BNC2: variants seen among roughly 807,000 people sequenced by gnomAD.
BNC2 encodes the protein zinc finger protein basonuclin-2.
Under a neutral mutation model 76.3 loss-of-function variants are expected in BNC2, and 20 were observed. The observed-to-expected ratio is 0.26, with a 90% CI of 0.18 to 0.38. The LOEUF is 0.38. Ranked by LOEUF, BNC2 falls within the 10% of genes least tolerant of loss-of-function variation. The pLI is 1.00. For missense variants in BNC2, 1,382 were observed against 1,399.8 expected (o/e 0.99, Z 0.20); for synonymous variants, 582 against 514.8 (o/e 1.13, Z -1.77).
intron 3 of BNC2, among the ~76,000 whole-genome samples, chr9:16,686,089 T>G (rs1242138095): frequency 6.6e-6 from 1 of 152,228 alleles, no homozygotes; most frequent in Non-Finnish European, 1.5e-5. Flanking sequence ...TCCTTTACGT[T>G]CTTAAAATAT....
intron 3 of BNC2, among the ~76,000 whole-genome samples, chr9:16,657,724 A>C (rs759422686): frequency 3.4e-5 from 5 of 148,090 alleles, no homozygotes; most frequent in Non-Finnish European, 5.9e-5. Flanking sequence ...AATAATGTGC[A>C]GACTCTTAAA....
At chr9:16,625,004 T>G in intron 3 of BNC2, among the ~76,000 whole-genome samples, 1 of 152,210 alleles carries the variant, frequency 6.6e-6, no homozygotes, top group East Asian at 1.9e-4. Flanking sequence ...AGCCAATTGG[T>G]GCAGTCGGAG....
rs1250289002 is a variant in BNC2 at position 16,725,206 on chromosome 9, G to GTC, written c.330+2589_330+2590dup. On this transcript the variant is annotated intron_variant, in intron 3 of 6. Coordinates refer to ENST00000380672, the MANE Select transcript of BNC2 (RefSeq NM_017637.6). Reference sequence around the variant, plus strand: ...GATATCAGAGATATAATTTCAATAAGTCTCTCTCTCTCACACACACACACA... The same window carrying GTC: ...GATATCAGAGATATAATTTCAATAAGTCTCTCTCTCTCTCACACACACACACA... Among the ~76,000 whole-genome samples the GTC allele has an allele frequency of 4.2e-3, 357 of 85,670 alleles. 1 individual carries two copies. The highest frequency in any genetic ancestry group is 0.012 in the African/African-American group (251 of 21,822). 56.2% of individuals were successfully genotyped at this position (85,670 alleles called of 152,430 possible). A position where few individuals can be genotyped will look rare whatever the true frequency, so the allele number is the denominator to read the frequency against.
At chr9:16,812,577 A>G (rs996607713) in intron 1 of BNC2, among the ~76,000 whole-genome samples, 1 of 152,154 alleles carries the variant, frequency 6.6e-6, no homozygotes, top group Non-Finnish European at 1.5e-5. Flanking sequence ...CACCAGGGGG[A>G]AGTCATTTTT....
intron 4 of BNC2, among the ~76,000 whole-genome samples, chr9:16,556,506 A>G (rs1376085422): frequency 1.3e-5 from 2 of 152,138 alleles, no homozygotes; most frequent in African/African-American, 4.8e-5. Context: ...ACAGTGGCTC[A>G]CACCTGTAAT....
Position 16,412,777 on chromosome 9 carries a change from G to T in BNC2, c.*6212C>A, listed in dbSNP as rs1820498839. The T allele has an allele frequency of 1.3e-5, 2 of 151,594 alleles. No homozygotes were observed. The allele number at this position is 151,594 out of a possible 1,614,324, so 9.4% of individuals were successfully genotyped here. ...AGAGAGAGAGAGAGACTGACTGATT[G>T]TGGATGTGTGTGTACATCAGGGAAC... On this transcript the variant is annotated 3_prime_UTR_variant, in exon 7 of 7. Transcript: ENST00000380672.
chr9:16,828,733 C>T (rs917387450), intron 1 of BNC2, among the ~76,000 whole-genome samples: 7 of 152,176 alleles, frequency 4.6e-5, no homozygotes, highest in Non-Finnish European at 8.8e-5. Context: ...ATCCCGTTGA[C>T]TTTTGTCCCC....
In BNC2 at chr9:16,861,053, C is replaced by G. The variant is rs1366595273; in HGVS notation, c.3+9593G>C. 4.7e-5 allele frequency among the ~76,000 whole-genome samples: 7 copies of G among 148,716 alleles called. No individual in the cohort carries two copies. In the East Asian group the frequency reaches 1.4e-3, roughly 29 times the overall value. On this transcript the variant is annotated intron_variant, in intron 1 of 6. Transcript: ENST00000380672. The stretch of plus-strand genomic sequence containing the variant: ...ACTCTGTCTCAAAAAAAAAAAAAGA[C>G]AGCTGCGCACAGTCACAGTGGCTTA...
intron 3 of BNC2, among the ~76,000 whole-genome samples, chr9:16,653,522 AAGAATCCTG>A (rs1821847615): frequency 6.6e-6 from 1 of 152,048 alleles, no homozygotes; most frequent in African/African-American, 2.4e-5. Context: ...CGCTCCCTCC[AAGAATCCTG>A]CCTCCAATTT....
chr9:16,678,884 GA>G (rs1335061076), intron 3 of BNC2, among the ~76,000 whole-genome samples: 1 of 151,988 alleles, frequency 6.6e-6, no homozygotes, highest in Non-Finnish European at 1.5e-5. Context: ...AATTACAATC[GA>G]AATCAGTGTT....
At chr9:16,567,702 A>G (rs1313329562) in intron 4 of BNC2, among the ~76,000 whole-genome samples, 1 of 152,096 alleles carries the variant, frequency 6.6e-6, no homozygotes, top group Non-Finnish European at 1.5e-5. Context: ...GTTTTCCACA[A>G]CTTTTTTTAA....
intron 1 of BNC2, among the ~76,000 whole-genome samples, chr9:16,752,009 A>G (rs1330737803): frequency 1.3e-5 from 2 of 152,182 alleles, no homozygotes; most frequent in African/African-American, 2.4e-5. Flanking sequence ...AGCCTGGACA[A>G]CAGAGCAAGA....
chr9:16,436,461 G>A lies in BNC2; in HGVS notation c.1733C>T (p.Thr578Ile). The change falls in exon 6 of 7, where the codon ACT (threonine) becomes ATT (isoleucine). Residue 578 changes from threonine to isoleucine, a missense_variant. Physicochemically the swap from Thr to Ile is moderately conservative, Grantham distance 89. Around this residue, in one of 3 missense-constraint regions of BNC2, gnomAD observed 798 missense variants for 775.5 expected, o/e 1.03. Transcript: ENST00000380672. ...TGGAGGACTCACCATTTCCCCTGGA[G>A]TGAGTAAACTTCTATAAAATGGAGG... is the stretch of plus-strand genomic sequence containing the variant. ...PVPPFYRSLL[T>I]PGEMVSPPTS... 6.2e-7 allele frequency: 1 copy of A among 1,614,116 alleles called. No individual in the cohort carries two copies. The highest frequency in any genetic ancestry group is 8.5e-7 in the Non-Finnish European group (1 of 1,180,020).
At chr9:16,627,511 A>G (rs958763275) in intron 3 of BNC2, among the ~76,000 whole-genome samples, 2 of 152,196 alleles carry the variant, frequency 1.3e-5, no homozygotes, top group East Asian at 3.9e-4. Flanking sequence ...AGTTCTGCAC[A>G]ATACCAGGAT....
chr9:16,813,573 A>G (rs1254056507), intron 1 of BNC2, among the ~76,000 whole-genome samples: 1 of 152,132 alleles, frequency 6.6e-6, no homozygotes, highest in Non-Finnish European at 1.5e-5. Flanking sequence ...CCAAAAAACC[A>G]TTATTTTTAG....
intron 3 of BNC2, among the ~76,000 whole-genome samples, chr9:16,649,176 G>C (rs1229811590): frequency 1.3e-5 from 2 of 152,092 alleles, no homozygotes; most frequent in East Asian, 1.9e-4. Context: ...ATTTCCAAAG[G>C]TCTTCCAGGA....
intron 5 of BNC2, among the ~76,000 whole-genome samples, chr9:16,518,588 G>T (rs567790139): frequency 0.044 from 5,786 of 130,188 alleles, 361 homozygotes; most frequent in African/African-American, 0.2. Context: ...ATTTTTTGTT[G>T]TTGTTGTTGT....
intron 5 of BNC2, among the ~76,000 whole-genome samples, chr9:16,457,905 T>G (rs1167447588): frequency 1.3e-5 from 2 of 152,164 alleles, no homozygotes; most frequent in Non-Finnish European, 2.9e-5. Flanking sequence ...CACTAGTGTT[T>G]CAGATCTGCA....
intron 3 of BNC2, among the ~76,000 whole-genome samples, chr9:16,678,321 C>A (rs1241156625): frequency 7.4e-6 from 1 of 135,702 alleles, no homozygotes; most frequent in East Asian, 2.1e-4. Flanking sequence ...CTCTGTCGCC[C>A]AGGCTGGAGT....
Sources: gnomAD v4.1 joint callset for allele counts (sites outside exome capture counted in the v4.1 genomes callset) on GRCh38, gnomAD v4.1.1 for gene constraint, gnomAD v4.1.1 regional missense constraint, MANE v1.5 for transcripts, NCBI Gene and HGNC (gene_info 2026-07-23, HGNC 2026-07-21) for gene names.